The following NTM variants were observed in gnomAD, a reference collection of about 807,000 sequenced individuals.
NTM encodes the protein neurotrimin.
NTM carries 13 observed loss-of-function variants against 42.1 expected under a neutral mutation model. That is an observed-to-expected ratio of 0.31 (90% CI 0.20 to 0.49). The LOEUF (loss-of-function observed/expected upper bound fraction) is 0.49, where lower values mean the gene tolerates loss of function less well. Among genes scored for constraint, NTM ranks in the 20% least tolerant of loss-of-function variants. The pLI, the probability that NTM is intolerant of heterozygous loss-of-function variation, is 0.99. For synonymous variants in NTM, 187 were observed against 179.2 expected, an observed-to-expected ratio of 1.04 and a Z score of -0.35; for missense variants, 373 against 452.8, an observed-to-expected ratio of 0.82 and a Z score of 1.60.
chr11:131,915,667 G>A (rs776385515), intron 2 of NTM, among the ~76,000 whole-genome samples: 1 of 152,166 alleles, frequency 6.6e-6, no homozygotes, highest in Non-Finnish European at 1.5e-5. Context: ...GAGAAAAAGA[G>A]GTTTAATGGA....
At chr11:131,992,239 C>A (rs1185107669) in intron 2 of NTM, among the ~76,000 whole-genome samples, 1 of 152,108 alleles carries the variant, frequency 6.6e-6, no homozygotes, top group Non-Finnish European at 1.5e-5. Flanking sequence ...CTACTTTTTT[C>A]TATGATTTTC....
chr11:131,923,058 G>GT (rs2057449162), intron 2 of NTM, among the ~76,000 whole-genome samples: 2 of 136,638 alleles, frequency 1.5e-5, no homozygotes, highest in Admixed American at 1.5e-4. Context: ...CCAGTACCCC[G>GT]TTTAAAAAAA....
At position 131,697,081 on chromosome 11, in the gene NTM, G is replaced by C. The variant is rs182382928; in HGVS notation, c.83-214483G>C. Among the ~76,000 whole-genome samples the C allele has an allele frequency of 7.8e-3, 1,191 of 152,262 alleles. 7 individuals are homozygous for C. The highest frequency in any genetic ancestry group is 0.012 in the Non-Finnish European group (797 of 68,024). ...CAGTTTTTAGACGAAGCCGGCTGGG[G>C]GCACGGTGGAATTGCCATGTAATTG... On this transcript the variant is annotated intron_variant, in intron 1 of 8. Transcript: ENST00000683400.
chr11:131,526,617 G>C (rs2050522652), intron 1 of NTM, among the ~76,000 whole-genome samples: 2 of 152,144 alleles, frequency 1.3e-5, no homozygotes, highest in Non-Finnish European at 2.9e-5. Flanking sequence ...GTGTGCACAG[G>C]AGCCTGGAAT....
At chr11:132,292,223 G>A (rs1248615396) in intron 4 of NTM, among the ~76,000 whole-genome samples, 1 of 152,230 alleles carries the variant, frequency 6.6e-6, no homozygotes, top group Non-Finnish European at 1.5e-5. Context: ...GACAGTTACT[G>A]TAAAGTATGA....
intron 1 of NTM, among the ~76,000 whole-genome samples, chr11:131,593,683 G>T (rs937571540): frequency 1.3e-5 from 2 of 152,232 alleles, no homozygotes; most frequent in Non-Finnish European, 2.9e-5. Flanking sequence ...CGTGGGCAAA[G>T]CTGAGATTTA....
At chr11:131,575,935 C>T (rs138101512) in intron 1 of NTM, among the ~76,000 whole-genome samples, 243 of 152,326 alleles carry the variant, frequency 1.6e-3, no homozygotes, top group Admixed American at 3.5e-3. Flanking sequence ...AAGTGCAATG[C>T]GTCTTCTAAT....
chr11:132,213,169 G>A (rs146450691), intron 4 of NTM, among the ~76,000 whole-genome samples: 56 of 152,220 alleles, frequency 3.7e-4, no homozygotes, highest in East Asian at 2.5e-3. Flanking sequence ...TATATGTGCC[G>A]GTGTGCACAG....
At chr11:131,408,039 G>A (rs1335174417) in intron 1 of NTM, among the ~76,000 whole-genome samples, 2 of 152,180 alleles carry the variant, frequency 1.3e-5, no homozygotes, top group African/African-American at 4.8e-5. Context: ...ATTTCATTTA[G>A]GTTTAAGGGG....
chr11:132,072,634 A>G (rs143469747), intron 2 of NTM, among the ~76,000 whole-genome samples: 216 of 152,358 alleles, frequency 1.4e-3, no homozygotes, highest in African/African-American at 4.2e-3. Flanking sequence ...TGGTAATGTC[A>G]GAACTTCCTT....
intron 2 of NTM, among the ~76,000 whole-genome samples, chr11:132,145,686 A>G (rs1267028160): frequency 6.6e-6 from 1 of 152,222 alleles, no homozygotes; most frequent in Non-Finnish European, 1.5e-5. Flanking sequence ...ATGAATAGCA[A>G]TAGTGGTGGT....
intron 1 of NTM, among the ~76,000 whole-genome samples, chr11:131,727,338 A>T (rs2079087457): frequency 6.6e-6 from 1 of 152,218 alleles, no homozygotes; most frequent in Non-Finnish European, 1.5e-5. Flanking sequence ...GACAAAAGGA[A>T]ATGAAAGGAG....
At chr11:131,718,373 A>G (rs1449503830) in intron 1 of NTM, among the ~76,000 whole-genome samples, 2 of 152,142 alleles carry the variant, frequency 1.3e-5, no homozygotes, top group African/African-American at 2.4e-5. Flanking sequence ...TTTTTCTACA[A>G]ATTCAATGTG....
intron 2 of NTM, among the ~76,000 whole-genome samples, chr11:131,969,762 C>T (rs2063297191): frequency 6.6e-6 from 1 of 152,190 alleles, no homozygotes; most frequent in Non-Finnish European, 1.5e-5. Flanking sequence ...GCAACCTGCT[C>T]CTCTTCCCTT....
intron 2 of NTM, among the ~76,000 whole-genome samples, chr11:132,078,767 TTTACAC>T (rs1205518322): frequency 6.6e-6 from 1 of 152,228 alleles, no homozygotes; most frequent in Non-Finnish European, 1.5e-5. Flanking sequence ...TTCTGGTTCT[TTTACAC>T]TTAACTCATC....
At chr11:131,592,979 G>T (rs1034059587) in intron 1 of NTM, among the ~76,000 whole-genome samples, 1 of 152,156 alleles carries the variant, frequency 6.6e-6, no homozygotes, top group South Asian at 2.1e-4. Context: ...GCAGACACAG[G>T]CTATGCTGTC....
intron 1 of NTM, among the ~76,000 whole-genome samples, chr11:131,463,948 A>G (rs1951647230): frequency 6.6e-6 from 1 of 152,218 alleles, no homozygotes; most frequent in Non-Finnish European, 1.5e-5. Flanking sequence ...TGTGTGAGAA[A>G]CGGGACTGGC....
chr11:131,397,442 T>G (rs1394799008), intron 1 of NTM, among the ~76,000 whole-genome samples: 1 of 152,154 alleles, frequency 6.6e-6, no homozygotes, highest in Non-Finnish European at 1.5e-5. Context: ...CCAAGGCTGA[T>G]GTATTTTGTA....
chr11:132,282,604 C>T (rs2094018545), intron 4 of NTM, among the ~76,000 whole-genome samples: 1 of 152,112 alleles, frequency 6.6e-6, no homozygotes, highest in South Asian at 2.1e-4. Context: ...AACAGTGAAA[C>T]ATCATTAATT....
Sources: allele counts gnomAD v4.1 joint callset (sites outside exome capture counted in the v4.1 genomes callset), GRCh38; gene constraint gnomAD v4.1.1; transcripts MANE v1.5; gene names NCBI Gene and HGNC (gene_info 2026-07-23, HGNC 2026-07-21).